Variants in IRAG2 observed in about 807,000 individuals in gnomAD.
IRAG2 encodes the protein inositol 1,4,5-triphosphate receptor associated 2.
A neutral mutation model predicts 69.9 loss-of-function variants in IRAG2; 45 were observed. The ratio of observed to expected loss-of-function variants is 0.64; its 90% CI spans 0.51 to 0.83. IRAG2 has a LOEUF of 0.83. IRAG2 is among the 40% of genes least tolerant of loss of function. IRAG2 has a pLI of 0.00. For missense variants in IRAG2, 520 were observed against 587.0 expected, an observed-to-expected ratio of 0.89 and a Z score of 1.18; for synonymous variants, 193 against 202.4, an observed-to-expected ratio of 0.95 and a Z score of 0.40.
intron 16 of IRAG2, among the ~76,000 whole-genome samples, chr12:25,046,732 T>G (rs1234112951): frequency 6.6e-6 from 1 of 152,234 alleles, no homozygotes; most frequent in East Asian, 1.9e-4. Context: ...GAGATCATGT[T>G]GTTTAAATGT....
At chr12:25,073,166 T>G (rs1946442871) in intron 6 of IRAG2, among the ~76,000 whole-genome samples, 1 of 152,260 alleles carries the variant, frequency 6.6e-6, no homozygotes, top group South Asian at 2.1e-4. Flanking sequence ...CTTCCTTCTT[T>G]AAGACCCTTG....
intron 1 of IRAG2, among the ~76,000 whole-genome samples, chr12:25,056,068 A>G (rs777670763): frequency 5.9e-5 from 9 of 152,190 alleles, no homozygotes; most frequent in Non-Finnish European, 1.0e-4. Context: ...TCTGCACATG[A>G]ACTTCCTAGT....
chr12:25,100,990 G>A (rs146165378), intron 15 of IRAG2, 188 bp from the exon 16 acceptor site: 271 of 451,202 alleles, frequency 6.0e-4, no homozygotes, highest in African/African-American at 5.2e-3. Flanking sequence ...CTTCTATCCA[G>A]CTTTCAAAGT....
intron 14 of IRAG2, among the ~76,000 whole-genome samples, chr12:25,036,258 T>C (rs1944701260): frequency 6.6e-6 from 1 of 151,642 alleles, no homozygotes; most frequent in Admixed American, 6.5e-5. Context: ...TACATTTTGG[T>C]ACATTTTACA....
chr12:25,091,620 G>A (rs1158572778), intron 14 of IRAG2, among the ~76,000 whole-genome samples: 3 of 151,756 alleles, frequency 2.0e-5, no homozygotes, highest in African/African-American at 7.3e-5. Context: ...ATTATATCTA[G>A]ACTCAGGAGT....
intron 7 of IRAG2, chr12:25,021,022 AAC>A: frequency 2.2e-6 from 1 of 448,602 alleles, no homozygotes; most frequent in Non-Finnish European, 3.7e-6. Context: ...ATGAATTGGT[AAC>A]ACTTTAGAAA....
chr12:25,053,789 A>C lies in IRAG2; in HGVS notation c.-447+833A>C, dbSNP rs11047788. ...TTGTTTATTTGTTAATTGTTATATA[A>C]TTATAAATAATTATATATTTAATAT... On this transcript the variant is annotated intron_variant, in intron 1 of 21. Coordinates refer to ENST00000556887, the MANE Select transcript of IRAG2 (RefSeq NM_001366544.2). Among the ~76,000 whole-genome samples, 218 of 150,530 alleles carry C rather than the reference A, an allele frequency of 1.4e-3. 1 individual carries two copies. The highest frequency in any genetic ancestry group is 4.9e-3 in the African/African-American group (203 of 41,280).
At chr12:25,015,817 C>T (rs76000844) in intron 5 of IRAG2, among the ~76,000 whole-genome samples, 3,991 of 152,266 alleles carry the variant, frequency 0.026, 174 homozygotes, top group African/African-American at 0.09. Context: ...CTGTTTTCCA[C>T]GACATGTGTA....
intron 10 of IRAG2, among the ~76,000 whole-genome samples, chr12:25,087,069 C>T (rs942281013): frequency 6.6e-6 from 1 of 151,752 alleles, no homozygotes; most frequent in Non-Finnish European, 1.5e-5. Context: ...TCCAGTCCTA[C>T]CTCTTCATCA....
At position 25,028,072 on chromosome 12, in the gene IRAG2, G is replaced by A. The variant is rs1486610047; in HGVS notation, c.1461+1206G>A. Among the ~76,000 whole-genome samples the A allele has an allele frequency of 2.6e-5, 4 of 152,236 alleles. No individual in the cohort carries two copies. In the South Asian group the frequency reaches 6.2e-4, roughly 24 times the overall value. On this transcript the variant is annotated intron_variant, in intron 9 of 38. Coordinates refer to the IRAG2 transcript ENST00000636465. ...CCTGAGTAGCTGGGATTACAGGCGT[G>A]CGCCACCATGCTTAGCTAATTTTTG...
chr12:25,019,078 A>G (rs922794811), intron 6 of IRAG2, among the ~76,000 whole-genome samples: 3 of 152,142 alleles, frequency 2.0e-5, no homozygotes, highest in African/African-American at 2.4e-5. Flanking sequence ...GAGGGGGAGC[A>G]TGCAGGTGAG....
intron 9 of IRAG2, among the ~76,000 whole-genome samples, chr12:25,081,746 T>A (rs1244234592): frequency 6.6e-6 from 1 of 152,216 alleles, no homozygotes; most frequent in Non-Finnish European, 1.5e-5. Flanking sequence ...GGCATATCCA[T>A]GTAATAGAAT....
At chr12:25,030,029 A>T (rs961379744) in intron 9 of IRAG2, among the ~76,000 whole-genome samples, 6 of 152,184 alleles carry the variant, frequency 3.9e-5, no homozygotes, top group Non-Finnish European at 8.8e-5. Flanking sequence ...TTCCAGGCTC[A>T]GCTCTGCCAT....
chr12:25,070,730 T>TG (rs1273787479), intron 6 of IRAG2, among the ~76,000 whole-genome samples: 1 of 152,220 alleles, frequency 6.6e-6, no homozygotes, highest in Non-Finnish European at 1.5e-5. Context: ...ACTTCGAGGG[T>TG]GGCTATATCC....
At chr12:25,050,999 T>C (rs1944856281), upstream of IRAG2, among the ~76,000 whole-genome samples, 1 of 152,196 alleles carries the variant, frequency 6.6e-6, no homozygotes, top group Non-Finnish European at 1.5e-5. Context: ...TGCTACTCAA[T>C]AGGTATAAAG....
At chr12:25,035,573 G>A (rs765030814) in intron 13 of IRAG2, 5 of 397,774 alleles carry the variant, frequency 1.3e-5, no homozygotes, top group Non-Finnish European at 1.8e-5. Context: ...ATTAACTCAT[G>A]AGCATCATTT....
chr12:25,054,246 T>A (rs1275759362), intron 1 of IRAG2, among the ~76,000 whole-genome samples: 2 of 152,202 alleles, frequency 1.3e-5, no homozygotes, highest in Non-Finnish European at 2.9e-5. Context: ...TTACTACTGC[T>A]CAGAGGGCAT....
At chr12:25,036,672 G>A in exon 15 of IRAG2, 2 of 398,904 alleles carry the variant, frequency 5.0e-6, no homozygotes. Context: ...AGAAAAGTGG[G>A]AGGAGCAGCT....
chr12:25,086,759 A>G (rs923293497), intron 10 of IRAG2, among the ~76,000 whole-genome samples: 1 of 152,212 alleles, frequency 6.6e-6, no homozygotes, highest in East Asian at 1.9e-4. Context: ...AGGTCAAGTA[A>G]GATAAAGACT....
Sources: allele counts gnomAD v4.1 joint callset (sites outside exome capture counted in the v4.1 genomes callset), GRCh38; gene constraint gnomAD v4.1.1; transcripts MANE v1.5; gene names NCBI Gene and HGNC (gene_info 2026-07-23, HGNC 2026-07-21).